Variants in DLGAP2 observed in about 807,000 individuals in gnomAD.
DLGAP2 encodes DLG associated protein 2, also known as disks large-associated protein 2.
Under a neutral mutation model 100.3 loss-of-function variants are expected in DLGAP2, and 26 were observed. That is an observed-to-expected ratio of 0.26 (90% confidence interval 0.19 to 0.36). The LOEUF is 0.36. Among genes scored for constraint, DLGAP2 ranks in the 10% least tolerant of loss-of-function variants. The probability of loss-of-function intolerance (pLI) is 1.00; values close to 1 mark genes in which losing one functional copy is unlikely to be tolerated. For missense variants in DLGAP2, 1,858 were observed against 1,453.2 expected (o/e 1.28, Z -4.53); for synonymous variants, 886 against 630.1 (o/e 1.41, Z -6.08).
At chr8:1,367,332 C>T (rs867936010) in intron 3 of DLGAP2, among the ~76,000 whole-genome samples, 1 of 152,212 alleles carries the variant, frequency 6.6e-6, no homozygotes, top group Non-Finnish European at 1.5e-5. Flanking sequence ...TTTGGATTCT[C>T]CTTTTCATCT....
At position 1,700,882 on chromosome 8, in the gene DLGAP2, C is replaced by CGCAGTGACT. The variant is rs1190867937; in HGVS notation, c.2950-301_2950-293dup. On this transcript the variant is annotated intron_variant, in intron 14 of 14. Transcript: ENST00000637795. ...GAATCGGGCGACAATGTCAGACTAGCGCAGTGACTGCAGAGACGCAAGGTG... is the reference window on the plus strand; with the variant it reads ...GAATCGGGCGACAATGTCAGACTAGCGCAGTGACTGCAGTGACTGCAGAGACGCAAGGTG... Among the ~76,000 whole-genome samples the CGCAGTGACT allele has an allele frequency of 3.9e-5, 6 of 152,242 alleles. No homozygotes were observed. In the South Asian group the frequency reaches 1.0e-3, roughly 26 times the overall value.
chr8:759,756 C>T (rs928633958), intron 1 of DLGAP2, among the ~76,000 whole-genome samples: 1 of 152,214 alleles, frequency 6.6e-6, no homozygotes, highest in Non-Finnish European at 1.5e-5. Context: ...CTACTCTAGA[C>T]ATTAAGTATT....
At chr8:974,043 C>T (rs979092307) in intron 2 of DLGAP2, among the ~76,000 whole-genome samples, 7 of 151,952 alleles carry the variant, frequency 4.6e-5, no homozygotes, top group East Asian at 1.9e-4. Flanking sequence ...AAAGAAGTAA[C>T]ATATGTGGAA....
At chr8:1,298,516 C>G (rs1317560236) in intron 3 of DLGAP2, among the ~76,000 whole-genome samples, 1 of 152,126 alleles carries the variant, frequency 6.6e-6, no homozygotes. Flanking sequence ...CCGGAGAGTG[C>G]TGAGAGGCAG....
chr8:1,358,897 C>A (rs1237227712), intron 3 of DLGAP2, among the ~76,000 whole-genome samples: 1 of 150,660 alleles, frequency 6.6e-6, no homozygotes, highest in Non-Finnish European at 1.5e-5. Context: ...TCCAGAGACT[C>A]GGGAATTCTC....
At chr8:1,340,941 A>G (rs1243102284) in intron 3 of DLGAP2, among the ~76,000 whole-genome samples, 5 of 152,212 alleles carry the variant, frequency 3.3e-5, no homozygotes, top group African/African-American at 7.2e-5. Context: ...AGGGATATGG[A>G]TGGAGCTGGA....
intron 2 of DLGAP2, among the ~76,000 whole-genome samples, chr8:1,136,088 A>T (rs1485866582): frequency 6.6e-6 from 1 of 151,578 alleles, no homozygotes; most frequent in African/African-American, 2.4e-5. Context: ...CACGCAAGGG[A>T]TTTGAGATTC....
intron 11 of DLGAP2, 149 bp downstream of exon 11, chr8:1,676,767 C>G (rs1798820885): frequency 1.3e-6 from 1 of 766,924 alleles, no homozygotes; most frequent in Non-Finnish European, 2.1e-6. Context: ...ATTGATAACC[C>G]TCAAGTATGA....
At chr8:1,675,086 G>T (rs570636283) in intron 10 of DLGAP2, among the ~76,000 whole-genome samples, 2 of 152,134 alleles carry the variant, frequency 1.3e-5, no homozygotes, top group Admixed American at 6.6e-5. Context: ...ATCAGAACAC[G>T]CATCCCAGTC....
At chr8:969,559 T>C (rs1302627436) in intron 2 of DLGAP2, among the ~76,000 whole-genome samples, 3 of 151,842 alleles carry the variant, frequency 2.0e-5, no homozygotes, top group Non-Finnish European at 2.9e-5. Context: ...AAAAAAGATA[T>C]AAACTTAAAT....
intron 13 of DLGAP2, among the ~76,000 whole-genome samples, chr8:1,696,387 C>T (rs1346945756): frequency 6.6e-6 from 1 of 152,146 alleles, no homozygotes; most frequent in Non-Finnish European, 1.5e-5. Flanking sequence ...GTGGTCCCAG[C>T]TACTTGGGAG....
intron 2 of DLGAP2, among the ~76,000 whole-genome samples, chr8:988,325 T>A (rs1314793214): frequency 2.0e-5 from 3 of 152,190 alleles, no homozygotes; most frequent in Non-Finnish European, 4.4e-5. Context: ...AATCTAGAAG[T>A]GAAACTGAAG....
intron 2 of DLGAP2, among the ~76,000 whole-genome samples, chr8:1,037,248 C>G (rs1408678482): frequency 6.6e-6 from 1 of 152,200 alleles, no homozygotes; most frequent in Non-Finnish European, 1.5e-5. Flanking sequence ...TCCACCTTCC[C>G]TCGGGCCTTT....
Position 1,017,940 on chromosome 8 carries a change from G to A in DLGAP2, c.73+109974G>A, listed in dbSNP as rs141212005. ...ACAGCCACACCTATGGCTTTGTAGT[G>A]CTTGGGGCCACTTTCCTAGTTGTGG... On this transcript the variant is annotated intron_variant, in intron 2 of 14. Transcript: ENST00000637795. Among the ~76,000 whole-genome samples the A allele has an allele frequency of 1.9e-3, 295 of 152,298 alleles. 3 individuals are homozygous for A. Among genetic ancestry groups the A allele is most frequent in the African/African-American group, 6.9e-3 (285 of 41,572 alleles).
chr8:1,025,209 T>A (rs1274759263), intron 2 of DLGAP2, among the ~76,000 whole-genome samples: 1 of 152,208 alleles, frequency 6.6e-6, no homozygotes, highest in Non-Finnish European at 1.5e-5. Context: ...TAGAACATTC[T>A]TAAATCATAG....
chr8:1,639,691 G>T (rs78221945), intron 8 of DLGAP2, among the ~76,000 whole-genome samples: 2,035 of 152,368 alleles, frequency 0.013, 39 homozygotes, highest in African/African-American at 0.047. Context: ...GAAGTCTAAA[G>T]TAGGTTCTGT....
intron 2 of DLGAP2, among the ~76,000 whole-genome samples, chr8:1,217,693 C>T (rs532865016): frequency 1.3e-5 from 2 of 152,136 alleles, no homozygotes; most frequent in East Asian, 3.9e-4. Flanking sequence ...TAAATTAGTT[C>T]ACAGTGGCTG....
At chr8:990,312 C>CT in intron 2 of DLGAP2, among the ~76,000 whole-genome samples, 1 of 146,040 alleles carries the variant, frequency 6.8e-6, no homozygotes. Context: ...GTGGCCCAGA[C>CT]CCCCTGCACC....
intron 1 of DLGAP2, among the ~76,000 whole-genome samples, chr8:865,368 G>T (rs1797474305): frequency 6.6e-6 from 1 of 152,226 alleles, no homozygotes; most frequent in Non-Finnish European, 1.5e-5. Flanking sequence ...TGGCGGAGAA[G>T]ATGGGTTTTA....
Sources: gnomAD v4.1 joint callset for allele counts (sites outside exome capture counted in the v4.1 genomes callset) on GRCh38, gnomAD v4.1.1 for gene constraint, MANE v1.5 for transcripts, NCBI Gene and HGNC (gene_info 2026-07-23, HGNC 2026-07-21) for gene names.